TRDN: variants seen among roughly 807,000 people sequenced by gnomAD.
The protein encoded by TRDN is triadin in skeletal muscle.
Under a neutral mutation model 149.7 loss-of-function variants are expected in TRDN, and 161 were observed. That is an observed-to-expected ratio of 1.08 (90% CI 0.95 to 1.23). TRDN has a LOEUF of 1.23. Ranked by LOEUF, TRDN falls within the 50% of genes most tolerant of loss-of-function variation. The pLI, the probability that TRDN is intolerant of heterozygous loss-of-function variation, is 0.00. For missense variants in TRDN, 896 were observed against 823.5 expected, an observed-to-expected ratio of 1.09 and a Z score of -1.08; for synonymous variants, 294 against 250.5, an observed-to-expected ratio of 1.17 and a Z score of -1.64.
chr6:123,397,417 A>G (rs1772778384), intron 12 of TRDN, among the ~76,000 whole-genome samples: 1 of 152,114 alleles, frequency 6.6e-6, no homozygotes, highest in African/African-American at 2.4e-5. Context: ...TTCCCTTCCT[A>G]CTACCCTATA....
chr6:123,480,246 T>C, intron 9 of TRDN, among the ~76,000 whole-genome samples: 1 of 139,942 alleles, frequency 7.1e-6, no homozygotes, highest in Admixed American at 7.3e-5. Flanking sequence ...GACACTCCGT[T>C]TCCAAAAAAA....
At chr6:123,425,090 G>A (rs912792649) in intron 12 of TRDN, among the ~76,000 whole-genome samples, 1 of 152,072 alleles carries the variant, frequency 6.6e-6, no homozygotes, top group Non-Finnish European at 1.5e-5. Flanking sequence ...AAAGGTGAAA[G>A]TGAGAGGATT....
At chr6:123,528,826 C>G in intron 5 of TRDN, 6 of 1,001,474 alleles carry the variant, frequency 6.0e-6, no homozygotes, top group Non-Finnish European at 7.2e-6. Flanking sequence ...AACATAAGCT[C>G]TCTCTGATTT....
chr6:123,560,528 C>T (rs181905218), intron 2 of TRDN, among the ~76,000 whole-genome samples: 135 of 152,290 alleles, frequency 8.9e-4, no homozygotes, highest in Non-Finnish European at 1.6e-3. Context: ...GATCCCATCA[C>T]TCAGGACAAC....
intron 1 of TRDN, among the ~76,000 whole-genome samples, chr6:123,598,702 G>T (rs1240495418): frequency 6.6e-6 from 1 of 152,008 alleles, no homozygotes; most frequent in African/African-American, 2.4e-5. Context: ...TCCTCCCACA[G>T]TGGCAGAGTT....
At chr6:123,618,288 A>G (rs1209497496) in intron 1 of TRDN, among the ~76,000 whole-genome samples, 3 of 152,140 alleles carry the variant, frequency 2.0e-5, no homozygotes, top group Admixed American at 6.6e-5. Context: ...TGGGGCCTCT[A>G]GAGAGAATCC....
At chr6:123,578,603 T>C (rs1327611357) in intron 1 of TRDN, among the ~76,000 whole-genome samples, 1 of 152,176 alleles carries the variant, frequency 6.6e-6, no homozygotes, top group East Asian at 1.9e-4. Flanking sequence ...CCTCCATCTT[T>C]TTCCTTTTTG....
At chr6:123,516,409 G>A (rs1297307096) in intron 5 of TRDN, among the ~76,000 whole-genome samples, 1 of 151,934 alleles carries the variant, frequency 6.6e-6, no homozygotes, top group Admixed American at 6.6e-5. Flanking sequence ...TCATATCCAA[G>A]CACAAACTAG....
In TRDN at chr6:123,547,356, A is replaced by G; in HGVS notation, c.408T>C (p.Pro136=). Residue 136 remains proline (P), a synonymous_variant, in exon 4 of 41, where the codon CCT becomes CCC. Transcript: ENST00000334268. ...EDTDKGEIDE[P]PLRKKEIHKD... is the part of the protein sequence containing the mutation. ...ACAACTAACCTTTTTTTCTCAAGGG[A>G]GGCTCATCTATTTCTCCTAGACCAA... is the stretch of plus-strand genomic sequence containing the variant. 6.8e-7 allele frequency: 1 copy of G among 1,463,726 alleles called. No individual in the cohort carries two copies. The highest frequency in any genetic ancestry group is 1.5e-5 in the South Asian group (1 of 67,838). 90.7% of individuals were successfully genotyped at this position (1,463,726 alleles called of 1,614,324 possible).
chr6:123,528,203 ATTAG>A (rs1780043272), intron 5 of TRDN, among the ~76,000 whole-genome samples: 1 of 151,882 alleles, frequency 6.6e-6, no homozygotes, highest in African/African-American at 2.4e-5. Context: ...TATAAAATCA[ATTAG>A]TTAGAATATT....
intron 18 of TRDN, among the ~76,000 whole-genome samples, 182 bp downstream of exon 18, chr6:123,377,534 T>C (rs560788524): frequency 1.3e-5 from 2 of 152,290 alleles, no homozygotes; most frequent in East Asian, 3.9e-4. Context: ...AGTGTAACAT[T>C]TGGCTTTCAT....
intron 12 of TRDN, among the ~76,000 whole-genome samples, chr6:123,416,478 C>T (rs1426226377): frequency 6.6e-6 from 1 of 152,144 alleles, no homozygotes; most frequent in Admixed American, 6.5e-5. Flanking sequence ...TCATCCAAGT[C>T]TCTGTTCAGA....
chr6:123,314,092 CT>C (rs1205996831), intron 24 of TRDN, among the ~76,000 whole-genome samples: 1 of 152,032 alleles, frequency 6.6e-6, no homozygotes, highest in African/African-American at 2.4e-5. Context: ...TTTTTGCAAA[CT>C]ATGTGTCTGA....
chr6:123,426,470 A>C (rs906738417), intron 12 of TRDN, among the ~76,000 whole-genome samples: 3 of 152,170 alleles, frequency 2.0e-5, no homozygotes, highest in Non-Finnish European at 2.9e-5. Flanking sequence ...AATAGTAAGT[A>C]GTACAAATTC....
intron 38 of TRDN, among the ~76,000 whole-genome samples, chr6:123,246,536 G>C (rs574701674): frequency 6.6e-6 from 1 of 151,690 alleles, no homozygotes; most frequent in Non-Finnish European, 1.5e-5. Flanking sequence ...AAACCAGGAA[G>C]AAGTCAAATC....
chr6:123,452,129 A>C (rs1266635828), intron 10 of TRDN, among the ~76,000 whole-genome samples: 1 of 152,144 alleles, frequency 6.6e-6, no homozygotes, highest in Non-Finnish European at 1.5e-5. Flanking sequence ...TGAAAAACCC[A>C]CAGCCAACAT....
intron 1 of TRDN, among the ~76,000 whole-genome samples, chr6:123,573,702 C>T (rs1782688406): frequency 6.6e-6 from 1 of 151,942 alleles, no homozygotes; most frequent in African/African-American, 2.4e-5. Flanking sequence ...CAAGTAGAGG[C>T]TGTTTTATCC....
intron 8 of TRDN, chr6:123,503,203 C>A (rs1562350827): frequency 1.0e-6 from 1 of 983,892 alleles, no homozygotes; most frequent in Non-Finnish European, 1.2e-6. Flanking sequence ...TAACATCTTG[C>A]CTATTAAATA....
At chr6:123,241,390 T>A (rs964278421) in intron 38 of TRDN, among the ~76,000 whole-genome samples, 3 of 151,416 alleles carry the variant, frequency 2.0e-5, no homozygotes, top group Non-Finnish European at 3.0e-5. Flanking sequence ...AAAAAGAATA[T>A]AAACTTTTAT....
Sources: allele counts gnomAD v4.1 joint callset (sites outside exome capture counted in the v4.1 genomes callset), GRCh38; gene constraint gnomAD v4.1.1; transcripts MANE v1.5; gene names NCBI Gene and HGNC (gene_info 2026-07-23, HGNC 2026-07-21).